PGCKA1: variants seen among roughly 807,000 people sequenced by gnomAD.
PGCKA1 encodes PDCD10 and GCKIII kinases associated 1.
the PGCKA1 span, among the ~76,000 whole-genome samples, chr4:37,575,259 G>T: frequency 6.6e-6 from 1 of 152,178 alleles, no homozygotes; most frequent in East Asian, 1.9e-4. Flanking sequence ...ACCAGTATTT[G>T]TTGTTGCGCA....
the PGCKA1 span, among the ~76,000 whole-genome samples, chr4:37,464,108 G>T: frequency 6.6e-6 from 1 of 152,220 alleles, no homozygotes; most frequent in Non-Finnish European, 1.5e-5. Flanking sequence ...CTCTGCAGGT[G>T]CTTACCCTCT....
At chr4:37,512,276 CAGGGG>C in the PGCKA1 span, among the ~76,000 whole-genome samples, 1 of 151,862 alleles carries the variant, frequency 6.6e-6, no homozygotes, top group East Asian at 1.9e-4. Flanking sequence ...AGGGGATGAC[CAGGGG>C]AACCCTCTGT....
chr4:37,489,009 C>T, the PGCKA1 span, among the ~76,000 whole-genome samples: 1 of 152,142 alleles, frequency 6.6e-6, no homozygotes, highest in Non-Finnish European at 1.5e-5. Context: ...AAGCGGTTTC[C>T]TAAGTGGTTC....
At chr4:37,508,542 AC>A in the PGCKA1 span, among the ~76,000 whole-genome samples, 1 of 151,886 alleles carries the variant, frequency 6.6e-6, no homozygotes, top group African/African-American at 2.4e-5. Context: ...TTATTCTTAA[AC>A]TTTTTATTAT....
the PGCKA1 span, among the ~76,000 whole-genome samples, chr4:37,495,941 G>T: frequency 6.6e-6 from 1 of 151,940 alleles, no homozygotes; most frequent in Non-Finnish European, 1.5e-5. Context: ...GTAGATTTAA[G>T]TTCCTTATAG....
At chr4:37,496,929 AT>A in the PGCKA1 span, among the ~76,000 whole-genome samples, 1 of 151,752 alleles carries the variant, frequency 6.6e-6, no homozygotes, top group Non-Finnish European at 1.5e-5. Flanking sequence ...AATACTAGTG[AT>A]TTTTTTTATT....
At chr4:37,481,975 G>A in the PGCKA1 span, among the ~76,000 whole-genome samples, 1 of 152,108 alleles carries the variant, frequency 6.6e-6, no homozygotes, top group East Asian at 1.9e-4. Context: ...CCTTCCTTCT[G>A]CCATGTGAGG....
the PGCKA1 span, among the ~76,000 whole-genome samples, chr4:37,554,353 AT>A: frequency 6.8e-6 from 1 of 146,918 alleles, no homozygotes; most frequent in African/African-American, 2.5e-5. Flanking sequence ...AGAAATATTT[AT>A]TTATTTATTT....
At chr4:37,564,015 G>C in the PGCKA1 span, among the ~76,000 whole-genome samples, 1 of 152,102 alleles carries the variant, frequency 6.6e-6, no homozygotes, top group Admixed American at 6.5e-5. Flanking sequence ...GCTCACCTCT[G>C]TAATCCCAGC....
At chr4:37,545,267 T>C in the PGCKA1 span, among the ~76,000 whole-genome samples, 2 of 152,144 alleles carry the variant, frequency 1.3e-5, no homozygotes, top group African/African-American at 2.4e-5. Flanking sequence ...GTCCCCAACA[T>C]TTCCTGTGCA....
chr4:37,590,356 A>C, the PGCKA1 span: 1 of 1,613,648 alleles, frequency 6.2e-7, no homozygotes, highest in African/African-American at 1.3e-5. Flanking sequence ...TGTCAACGGC[A>C]TCGGCCCTGC....
chr4:37,549,905 G>A, the PGCKA1 span, among the ~76,000 whole-genome samples: 29,112 of 152,106 alleles, frequency 0.19, 3,003 homozygotes, highest in African/African-American at 0.23. Flanking sequence ...GAAGCATGAG[G>A]AAACTCATCG....
At chr4:37,589,945 C>T in the PGCKA1 span, 229 of 742,176 alleles carry the variant, frequency 3.1e-4, 2 homozygotes, top group African/African-American at 2.9e-3. Flanking sequence ...CCAACTATAT[C>T]TATTTGATTT....
chr4:37,487,778 A>G, the PGCKA1 span, among the ~76,000 whole-genome samples: 1 of 150,278 alleles, frequency 6.7e-6, no homozygotes, highest in Admixed American at 6.8e-5. Context: ...TTACATATAT[A>G]CATATGTCCT....
At chr4:37,504,434 T>G in the PGCKA1 span, among the ~76,000 whole-genome samples, 1 of 145,562 alleles carries the variant, frequency 6.9e-6, no homozygotes, top group Non-Finnish European at 1.5e-5. Context: ...CCCATATAAA[T>G]TAAAATTTTT....
At chr4:37,589,554 A>G in the PGCKA1 span, among the ~76,000 whole-genome samples, 1 of 152,110 alleles carries the variant, frequency 6.6e-6, no homozygotes, top group African/African-American at 2.4e-5. Flanking sequence ...TTAAAATTCT[A>G]TGAACCACTT....
the PGCKA1 span, among the ~76,000 whole-genome samples, chr4:37,541,939 C>T: frequency 0.027 from 4,066 of 152,214 alleles, 94 homozygotes; most frequent in South Asian, 0.11. Flanking sequence ...CCAGTGGTAG[C>T]GGACTAGGCA....
the PGCKA1 span, among the ~76,000 whole-genome samples, chr4:37,544,903 G>T: frequency 6.6e-6 from 1 of 151,414 alleles, no homozygotes; most frequent in African/African-American, 2.4e-5. Flanking sequence ...TGTTGCGCAG[G>T]CTGGAGTGCA....
the PGCKA1 span, among the ~76,000 whole-genome samples, chr4:37,474,328 C>G: frequency 6.6e-6 from 1 of 152,198 alleles, no homozygotes; most frequent in South Asian, 2.1e-4. Flanking sequence ...TAAAAGTCCC[C>G]CTGACCTCGA....
Sources: allele counts gnomAD v4.1 joint callset (sites outside exome capture counted in the v4.1 genomes callset), GRCh38; gene constraint gnomAD v4.1.1; transcripts MANE v1.5; gene names NCBI Gene and HGNC (gene_info 2026-07-23, HGNC 2026-07-21).